Variants in SLC7A10 observed in about 807,000 individuals in gnomAD.
SLC7A10 encodes the protein asc-type amino acid transporter 1.
Under a neutral mutation model 52.7 loss-of-function variants are expected in SLC7A10, and 30 were observed. The ratio of observed to expected loss-of-function variants is 0.57; its 90% CI spans 0.43 to 0.77. The LOEUF is 0.77. SLC7A10 is among the 30% of genes least tolerant of loss of function. SLC7A10 has a pLI of 0.00. For missense variants in SLC7A10, 581 were observed against 698.5 expected, an observed-to-expected ratio of 0.83 and a Z score of 1.90; for synonymous variants, 318 against 314.9, an observed-to-expected ratio of 1.01 and a Z score of -0.10.
chr19:33,225,438 C>T (rs1048969528), intron 1 of SLC7A10, 115 bp downstream of exon 1: 15 of 1,290,758 alleles, frequency 1.2e-5, no homozygotes, highest in East Asian at 2.5e-5. Context: ...GGCCAGACTG[C>T]AGGTTCCCCA....
At position 33,225,795 on chromosome 19, in the gene SLC7A10, C is replaced by A. The variant is rs1974913551; in HGVS notation, c.-92G>T. The A allele has an allele frequency of 3.7e-6, 5 of 1,339,076 alleles. No individual in the cohort carries two copies. The South Asian group carries it at 8.4e-5, about 23-fold the overall frequency. 82.9% of individuals were successfully genotyped at this position (1,339,076 alleles called of 1,614,324 possible). ...CGTCGGTCCGTGAGCTCACGGCCCTCGCAGCCGGGACAGCGCCCACAGGCG... is the reference window on the plus strand; with the variant it reads ...CGTCGGTCCGTGAGCTCACGGCCCTAGCAGCCGGGACAGCGCCCACAGGCG... On this transcript the variant is annotated 5_prime_UTR_variant, in exon 1 of 11. Transcript: ENST00000253188.
At position 33,211,422 on chromosome 19, in the gene SLC7A10, C is replaced by A. The variant is rs779659273; in HGVS notation, c.904G>T (p.Val302Leu). 1 of 1,613,982 alleles carries A rather than the reference C, an allele frequency of 6.2e-7. No individual in the cohort carries two copies. The highest frequency in any genetic ancestry group is 1.7e-5 in the Admixed American group (1 of 60,018). The change falls in exon 6 of 11, where the codon GTG becomes TTG. Residue 302 changes from valine (V) to leucine (L), a missense_variant. Coordinates refer to ENST00000253188, the MANE Select transcript of SLC7A10 (RefSeq NM_019849.3). ...AGCAGGGGCCCACTCACCACAGCCA[C>A]CGCATTGGAGGAGAGCAGCTCCTGG... ...SPQELLSSNA[V>L]AVTFGEKLLG...
At chr19:33,209,171 A>C in intron 10 of SLC7A10, 137 bp downstream of exon 10, 1 of 1,522,288 alleles carries the variant, frequency 6.6e-7, no homozygotes, top group Non-Finnish European at 9.0e-7. Context: ...TTGGGAAGAG[A>C]CATTTGGTGG....
chr19:33,219,310 G>T (rs1259006359), intron 1 of SLC7A10, among the ~76,000 whole-genome samples: 1 of 152,230 alleles, frequency 6.6e-6, no homozygotes, highest in Non-Finnish European at 1.5e-5. Context: ...GCTTCTTGGA[G>T]GAACGAAGAA....
At chr19:33,225,415 TA>T in intron 1 of SLC7A10, 137 bp downstream of exon 1, 1 of 1,097,986 alleles carries the variant, frequency 9.1e-7, no homozygotes, top group Non-Finnish European at 1.3e-6. Context: ...CCCGCGGTCA[TA>T]GCGCTCTCTG....
intron 1 of SLC7A10, among the ~76,000 whole-genome samples, chr19:33,218,696 TTA>T (rs1165590209): frequency 1.4e-5 from 1 of 73,976 alleles, no homozygotes; most frequent in African/African-American, 3.1e-5. Flanking sequence ...TTTTTTTTTT[TTA>T]GTAGAGATGG....
At chr19:33,216,837 C>A (rs978368672) in intron 1 of SLC7A10, among the ~76,000 whole-genome samples, 4 of 152,140 alleles carry the variant, frequency 2.6e-5, no homozygotes, top group Admixed American at 1.3e-4. Context: ...GCCTCGGCCT[C>A]CCAAAGTGCT....
Position 33,210,975 on chromosome 19 carries a change from C to A in SLC7A10, c.1017-77G>T. 7.2e-7 allele frequency: 1 copy of A among 1,384,736 alleles called. No individual in the cohort carries two copies. Among genetic ancestry groups the A allele is most frequent in the South Asian group, 1.2e-5 (1 of 84,982 alleles). 85.8% of individuals were successfully genotyped at this position (1,384,736 alleles called of 1,614,324 possible). ...GGACCTGATGTCCCTCTTAAGCTGT[C>A]GCCTCTGACCTCCTGCTCCGGGCCC... On this transcript the variant is annotated intron_variant, in intron 7 of 10. Transcript: ENST00000253188. This position sits in a 1 kb window ranked among gnomAD's most constrained non-coding sequence, Gnocchi z 5.6.
intron 5 of SLC7A10, 127 bp downstream of exon 5, chr19:33,212,165 G>A: frequency 7.2e-7 from 1 of 1,381,284 alleles, no homozygotes; most frequent in South Asian, 1.3e-5. Flanking sequence ...CATTTTTGCA[G>A]GGCAACAGGC....
In SLC7A10 at chr19:33,211,522, G is replaced by A. The variant is rs753608537; in HGVS notation, c.804C>T (p.Ala268=). The part of the protein sequence containing the change: ...MVDARKNLPR[A]IFISIPLVTF... ...TCACCAGTGGGATGGAGATGAAGAT[G>A]GCGCGAGGTAGGTTCCTGGTGACAG... is the stretch of plus-strand genomic sequence containing the variant. The change falls in exon 6 of 11, where the codon GCC becomes GCT. Residue 268 remains alanine, a synonymous_variant. Transcript: ENST00000253188. The A allele has an allele frequency of 5.0e-6, 8 of 1,614,154 alleles. No individual in the cohort carries two copies. The highest frequency in any genetic ancestry group is 2.2e-5 in the South Asian group (2 of 91,086).
intron 1 of SLC7A10, among the ~76,000 whole-genome samples, chr19:33,222,445 TAAATAAAATAAAATAAAATAAATAAAATA>T (rs2145493885): frequency 1.2e-5 from 1 of 85,950 alleles, no homozygotes; most frequent in African/African-American, 4.1e-5. Flanking sequence ...TAAAATAAAA[TAAATAAAATAAAATAAAATAAATAAAATA>T]AAATAAAATA....
intron 1 of SLC7A10, among the ~76,000 whole-genome samples, chr19:33,216,348 C>T (rs538199822): frequency 1.3e-5 from 2 of 152,278 alleles, no homozygotes; most frequent in Admixed American, 6.5e-5. Context: ...CTCAGGCACC[C>T]CACAAGGCCC....
In SLC7A10 at chr19:33,215,936, C is replaced by T. The variant is rs1364865668; in HGVS notation, c.189G>A (p.Lys63=). 2 of 1,595,292 alleles carry T rather than the reference C, an allele frequency of 1.3e-6. No individual in the cohort carries two copies. The highest frequency in any genetic ancestry group is 1.7e-5 in the Admixed American group (1 of 59,380). The part of the protein sequence containing the change: ...IIGSGIFISP[K]GVLEHSGSVG... ...CGGAGCCTGAGTGCTCCAGGACCCC[C>T]TTGGGCGAGATGAAGATGCCCGAGC... Residue 63 remains lysine, a synonymous_variant, in exon 2 of 11, where the codon AAG becomes AAA. Transcript: ENST00000253188.
chr19:33,214,821 TCCC>T (rs1475418234), intron 2 of SLC7A10, among the ~76,000 whole-genome samples: 1 of 152,236 alleles, frequency 6.6e-6, no homozygotes, highest in African/African-American at 2.4e-5. Flanking sequence ...CAGGCCTTAA[TCCC>T]ATTTAAGGGG....
chr19:33,220,096 G>A (rs1170588747), intron 1 of SLC7A10: 1 of 152,160 alleles, frequency 6.6e-6, no homozygotes, highest in Non-Finnish European at 1.5e-5. Context: ...ACATCCTCAC[G>A]GTAAGCCTGT....
In SLC7A10 at chr19:33,210,578, C is replaced by A. The variant is rs761043020; in HGVS notation, c.1152G>T (p.Thr384=). 4 of 1,612,102 alleles carry A rather than the reference C, an allele frequency of 2.5e-6. No individual in the cohort carries two copies. The highest frequency in any genetic ancestry group is 3.4e-6 in the Non-Finnish European group (4 of 1,179,958). Reference sequence around the variant, plus strand: ...AGGACACATAGTTGATGAGCGTGTACGTGTCGCCCACGAGCATGATGACGG... The same window carrying A: ...AGGACACATAGTTGATGAGCGTGTAAGTGTCGCCCACGAGCATGATGACGG... ...ATAVIMLVGD[T]YTLINYVSFI... The change falls in exon 9 of 11, where the codon ACG becomes ACT. Residue 384 remains threonine, a synonymous_variant. Transcript: ENST00000253188. This position sits in a 1 kb window ranked among gnomAD's most constrained non-coding sequence, Gnocchi z 5.6.
intron 2 of SLC7A10, 121 bp downstream of exon 2, chr19:33,215,648 C>T (rs1974660573): frequency 1.0e-6 from 1 of 987,864 alleles, no homozygotes; most frequent in South Asian, 1.7e-5. Flanking sequence ...CACCTTCTCT[C>T]CATCCACCCC....
chr19:33,218,103 T>C (rs1008382805), intron 1 of SLC7A10, among the ~76,000 whole-genome samples: 1 of 152,074 alleles, frequency 6.6e-6, no homozygotes, highest in South Asian at 2.1e-4. Context: ...CTGGGTGGCC[T>C]TGGAAGGAGC....
chr19:33,225,698 G>C lies in SLC7A10; in HGVS notation c.6C>G (p.Ala2=). The C allele has an allele frequency of 1.3e-6, 2 of 1,531,654 alleles. No homozygotes were observed. Among genetic ancestry groups the C allele is most frequent in the South Asian group, 1.2e-5 (1 of 83,914 alleles). 94.9% of individuals were successfully genotyped at this position (1,531,654 alleles called of 1,614,324 possible). ...GCCCGCTCGGCTGCTGCGTGTGGCC[G>C]GCCATGTCGCTGTCCCGCCGCGTCC... M[A]GHTQQPSGRG... The change falls in exon 1 of 11, where the codon GCC becomes GCG. Residue 2 remains alanine (A), a synonymous_variant. Coordinates refer to ENST00000253188, the MANE Select transcript of SLC7A10 (RefSeq NM_019849.3).
Sources: gnomAD v4.1 joint callset for allele counts (sites outside exome capture counted in the v4.1 genomes callset) on GRCh38, gnomAD v4.1.1 for gene constraint, Gnocchi (gnomAD v3.1) non-coding constraint, MANE v1.5 for transcripts, NCBI Gene and HGNC (gene_info 2026-07-23, HGNC 2026-07-21) for gene names.